DLG2: variants seen among roughly 807,000 people sequenced by gnomAD.
DLG2 encodes disks large homolog 2.
A neutral mutation model predicts 132.5 loss-of-function variants in DLG2; 45 were observed. That is an observed-to-expected ratio of 0.34 (90% CI 0.27 to 0.44). The LOEUF (loss-of-function observed/expected upper bound fraction) is 0.44. DLG2 is among the 20% of genes least tolerant of loss of function. The pLI, the probability that DLG2 is intolerant of heterozygous loss-of-function variation, is 1.00. For missense variants in DLG2, 1,045 were observed against 1,196.9 expected, an observed-to-expected ratio of 0.87 and a Z score of 1.87; for synonymous variants, 424 against 419.6, an observed-to-expected ratio of 1.01 and a Z score of -0.13.
intron 6 of DLG2, among the ~76,000 whole-genome samples, chr11:85,033,350 T>C (rs2061179541): frequency 7.1e-6 from 1 of 141,052 alleles, no homozygotes; most frequent in Non-Finnish European, 1.5e-5. Context: ...AAGGCTAGCA[T>C]GTGCTCCTTA....
chr11:84,210,730 T>C (rs2096743760), intron 8 of DLG2, among the ~76,000 whole-genome samples: 1 of 152,126 alleles, frequency 6.6e-6, no homozygotes. Context: ...TGTTGAGTGA[T>C]AGAAGACACA....
At chr11:85,059,508 C>A (rs185264877) in intron 6 of DLG2, among the ~76,000 whole-genome samples, 38 of 151,672 alleles carry the variant, frequency 2.5e-4, no homozygotes, top group African/African-American at 9.2e-4. Flanking sequence ...AACTAATATC[C>A]ATCAACATCA....
chr11:83,537,824 AAAAAAAAAAAAGAGAG>A lies in DLG2; in HGVS notation c.2117+3842_2117+3857del, dbSNP rs1304880776. On this transcript the variant is annotated intron_variant, in intron 20 of 27. Coordinates refer to ENST00000376104, the MANE Select transcript of DLG2 (RefSeq NM_001142699.3). ...CTCTGTCTCAAAAAAAAAAAAAAAA[AAAAAAAAAAAAGAGAG>A]AGAGAGATACCATGGAACAAAACCC... is the stretch of plus-strand genomic sequence containing the variant. Among the ~76,000 whole-genome samples the A allele has an allele frequency of 3.4e-4, 49 of 144,020 alleles. 3 individuals are homozygous for A. Among genetic ancestry groups the A allele is most frequent in the African/African-American group, 1.1e-3 (42 of 37,414 alleles). 94.5% of individuals were successfully genotyped at this position (144,020 alleles called of 152,430 possible).
At chr11:83,561,252 A>T (rs2096605005) in intron 19 of DLG2, among the ~76,000 whole-genome samples, 1 of 152,232 alleles carries the variant, frequency 6.6e-6, no homozygotes, top group African/African-American at 2.4e-5. Flanking sequence ...GTGGGGACAT[A>T]GAGCCAAACC....
chr11:85,378,892 C>G (rs2152927584), intron 3 of DLG2, among the ~76,000 whole-genome samples: 1 of 152,226 alleles, frequency 6.6e-6, no homozygotes, highest in East Asian at 1.9e-4. Context: ...TTTAGGTATT[C>G]TGACAGGAAA....
chr11:83,711,064 G>T (rs928010323), intron 18 of DLG2, among the ~76,000 whole-genome samples: 19 of 152,124 alleles, frequency 1.2e-4, no homozygotes, highest in Non-Finnish European at 2.1e-4. Context: ...CACATAACTA[G>T]ATCCTGACTA....
chr11:85,425,064 C>T (rs1220061896), intron 3 of DLG2, among the ~76,000 whole-genome samples: 1 of 151,408 alleles, frequency 6.6e-6, no homozygotes, highest in Non-Finnish European at 1.5e-5. Context: ...CACATAAATT[C>T]ATGCCTTACC....
chr11:84,232,284 T>G (rs1340928688), intron 8 of DLG2, among the ~76,000 whole-genome samples: 4 of 152,164 alleles, frequency 2.6e-5, no homozygotes, highest in African/African-American at 4.8e-5. Flanking sequence ...CCTTTTTGTT[T>G]GTTACCTACT....
chr11:84,530,176 T>C (rs1231197207), intron 7 of DLG2, among the ~76,000 whole-genome samples: 1 of 152,060 alleles, frequency 6.6e-6, no homozygotes, highest in Non-Finnish European at 1.5e-5. Flanking sequence ...ATACAAAACC[T>C]AAAACTATAA....
chr11:85,078,269 G>A (rs546118647), intron 6 of DLG2, among the ~76,000 whole-genome samples: 1 of 150,588 alleles, frequency 6.6e-6, no homozygotes, highest in South Asian at 2.1e-4. Context: ...CAGTGTGTGT[G>A]GACTAGAGGA....
chr11:84,781,257 T>C (rs2071718438), intron 6 of DLG2, among the ~76,000 whole-genome samples: 1 of 152,256 alleles, frequency 6.6e-6, no homozygotes, highest in South Asian at 2.1e-4. Context: ...AGACAGTATA[T>C]ACTTCTGGAG....
At chr11:83,771,826 C>T (rs115518448) in intron 18 of DLG2, among the ~76,000 whole-genome samples, 2,455 of 152,224 alleles carry the variant, frequency 0.016, 67 homozygotes, top group African/African-American at 0.056. Context: ...GAGGTATTTA[C>T]GCGTTGACTA....
chr11:84,363,687 A>G (rs1167257069), intron 7 of DLG2, among the ~76,000 whole-genome samples: 4 of 151,836 alleles, frequency 2.6e-5, no homozygotes, highest in East Asian at 3.9e-4. Flanking sequence ...TGATTTTTGT[A>G]TAAGGTGTAA....
At chr11:84,762,932 T>G (rs1205904853) in intron 6 of DLG2, among the ~76,000 whole-genome samples, 1 of 152,208 alleles carries the variant, frequency 6.6e-6, no homozygotes, top group Non-Finnish European at 1.5e-5. Flanking sequence ...GGAAGGTTTC[T>G]TAAAGAAAAT....
chr11:83,521,262 A>G (rs2095473562), intron 21 of DLG2, among the ~76,000 whole-genome samples: 1 of 152,214 alleles, frequency 6.6e-6, no homozygotes, highest in African/African-American at 2.4e-5. Context: ...TTGCAAATAC[A>G]AGGACTTATT....
rs1344274025 is a variant in DLG2, at chr11:83,833,757, C to T, written c.1579G>A (p.Val527Ile). ...AVSLEGEPRKVVLHKGSTGLG... is the reference protein window; with the variant it reads ...AVSLEGEPRKIVLHKGSTGLG... The stretch of plus-strand genomic sequence containing the variant: ...CCAGTGGAGCCTTTGTGCAGGACTA[C>T]CTTGCGAGGCTCTCTGCAGAAAGAA... The change falls in exon 17 of 28, where the codon GTA becomes ATA. Residue 527 changes from valine to isoleucine, a missense_variant. This residue lies in a region of DLG2 where 261 missense variants were observed against 256.1 expected (regional missense o/e 1.02). Transcript: ENST00000376104. The T allele has an allele frequency of 1.2e-6, 2 of 1,613,620 alleles. No individual in the cohort carries two copies. Among genetic ancestry groups the T allele is most frequent in the African/African-American group, 1.3e-5 (1 of 74,898 alleles).
chr11:84,088,544 G>A (rs996165173), intron 10 of DLG2, among the ~76,000 whole-genome samples: 1 of 152,122 alleles, frequency 6.6e-6, no homozygotes, highest in Non-Finnish European at 1.5e-5. Flanking sequence ...TACCAGATGT[G>A]CAGCTGAAAT....
intron 18 of DLG2, among the ~76,000 whole-genome samples, chr11:83,639,840 T>C (rs1326341599): frequency 2.0e-5 from 3 of 152,036 alleles, no homozygotes; most frequent in Non-Finnish European, 4.4e-5. Flanking sequence ...GTCTTAATCT[T>C]GTCATTTATT....
At chr11:83,812,610 T>G (rs1023438617) in intron 17 of DLG2, among the ~76,000 whole-genome samples, 2 of 152,164 alleles carry the variant, frequency 1.3e-5, no homozygotes, top group African/African-American at 4.8e-5. Flanking sequence ...ATTCACTGTT[T>G]TGGTCTTAAA....
Sources: gnomAD v4.1 joint callset for allele counts (sites outside exome capture counted in the v4.1 genomes callset) on GRCh38, gnomAD v4.1.1 for gene constraint, gnomAD v4.1.1 regional missense constraint, MANE v1.5 for transcripts, NCBI Gene and HGNC (gene_info 2026-07-23, HGNC 2026-07-21) for gene names.